The following NRCAM variants were observed in gnomAD, a reference collection of about 807,000 sequenced individuals.
NRCAM encodes NgCAM-related cell adhesion molecule.
A neutral mutation model predicts 156.5 loss-of-function variants in NRCAM; 83 were observed. That is an observed-to-expected ratio of 0.53 (90% CI 0.44 to 0.64). NRCAM has a LOEUF of 0.64. Among genes scored for constraint, NRCAM ranks in the 30% least tolerant of loss-of-function variants. NRCAM has a pLI of 0.00. For missense variants in NRCAM, 1,417 were observed against 1,597.3 expected, an observed-to-expected ratio of 0.89 and a Z score of 1.92; for synonymous variants, 538 against 563.9, an observed-to-expected ratio of 0.95 and a Z score of 0.65.
At chr7:108,385,906 AGAGG>A (rs3077978) in intron 2 of NRCAM, among the ~76,000 whole-genome samples, 47,941 of 142,640 alleles carry the variant, frequency 0.34, 8,304 homozygotes, top group East Asian at 0.52. Context: ...CTATGGAGAG[AGAGG>A]GAGGGAGGGA....
At chr7:108,349,788 T>C (rs774821375) in intron 2 of NRCAM, among the ~76,000 whole-genome samples, 14 of 152,118 alleles carry the variant, frequency 9.2e-5, no homozygotes, top group Non-Finnish European at 1.9e-4. Flanking sequence ...CTCTGACCCA[T>C]CTCCTTGTTT....
At chr7:108,255,447 C>T (rs554466888) in intron 3 of NRCAM, among the ~76,000 whole-genome samples, 8 of 152,202 alleles carry the variant, frequency 5.3e-5, no homozygotes, top group Non-Finnish European at 8.8e-5. Flanking sequence ...GGATTGCAGA[C>T]GGAGTCTCGC....
intron 2 of NRCAM, among the ~76,000 whole-genome samples, chr7:108,346,838 T>C (rs1331141716): frequency 6.6e-6 from 1 of 152,122 alleles, no homozygotes; most frequent in Non-Finnish European, 1.5e-5. Flanking sequence ...GTTTGGATTT[T>C]GAAGATTTAG....
intron 3 of NRCAM, among the ~76,000 whole-genome samples, chr7:108,276,837 T>A (rs2154073329): frequency 6.6e-6 from 1 of 152,306 alleles, no homozygotes; most frequent in South Asian, 2.1e-4. Flanking sequence ...GCGTTGATGG[T>A]CTTTACAATT....
intron 4 of NRCAM, 35 bp from the exon 5 acceptor site, chr7:108,237,804 A>G: frequency 6.5e-6 from 10 of 1,530,130 alleles, no homozygotes; most frequent in Non-Finnish European, 8.9e-6. Flanking sequence ...GTAAGTGGGC[A>G]AAGAGGATTA....
At chr7:108,336,980 C>T (rs1287851789) in intron 2 of NRCAM, among the ~76,000 whole-genome samples, 1 of 152,002 alleles carries the variant, frequency 6.6e-6, no homozygotes, top group Non-Finnish European at 1.5e-5. Context: ...AACTGGTTAA[C>T]ACAGCCTGGC....
chr7:108,442,288 C>G (rs981380789), intron 1 of NRCAM, among the ~76,000 whole-genome samples: 37 of 152,260 alleles, frequency 2.4e-4, no homozygotes, highest in African/African-American at 8.9e-4. Flanking sequence ...AATTGATACT[C>G]TGCCATTCTG....
intron 2 of NRCAM, among the ~76,000 whole-genome samples, chr7:108,347,179 A>G (rs1403442758): frequency 6.6e-6 from 1 of 151,744 alleles, no homozygotes; most frequent in Non-Finnish European, 1.5e-5. Context: ...CTGGGACTAC[A>G]GGCGCCTGCC....
At chr7:108,195,076 AC>A (rs11358195) in intron 15 of NRCAM, among the ~76,000 whole-genome samples, 107,430 of 151,790 alleles carry the variant, frequency 0.71, 39,288 homozygotes, top group East Asian at 0.88. Context: ...AGCTTATAGA[AC>A]CCCCCCACTA....
chr7:108,181,933 T>C lies in NRCAM; in HGVS notation c.2535A>G (p.Pro845=). 1 of 1,611,540 alleles carries C rather than the reference T, an allele frequency of 6.2e-7. No homozygotes were observed. Among genetic ancestry groups the C allele is most frequent in the Non-Finnish European group, 8.5e-7 (1 of 1,177,812 alleles). Residue 845 remains proline, a synonymous_variant, in exon 24 of 33, where the codon CCA becomes CCG. Coordinates refer to ENST00000379028, the MANE Select transcript of NRCAM (RefSeq NM_001037132.4). ...VVMGHSGEDL[P]MVAPGNVRVN... is the part of the protein sequence containing the mutation. The stretch of plus-strand genomic sequence containing the variant: ...CACGCACGTTCCCAGGAGCCACCAT[T>C]GGGACTAGGAAAAGGACAGGGAAGT...
chr7:108,380,382 C>T (rs2099695740), intron 2 of NRCAM, among the ~76,000 whole-genome samples: 1 of 151,928 alleles, frequency 6.6e-6, no homozygotes, highest in Admixed American at 6.6e-5. Flanking sequence ...CATTATTTGC[C>T]CTTTAGCTGC....
At chr7:108,359,536 C>A (rs541738392) in intron 2 of NRCAM, among the ~76,000 whole-genome samples, 2 of 152,114 alleles carry the variant, frequency 1.3e-5, no homozygotes, top group South Asian at 2.1e-4. Context: ...ATATGGAACA[C>A]GTGTGAGAAA....
At chr7:108,233,061 A>C (rs1445701507) in intron 6 of NRCAM, among the ~76,000 whole-genome samples, 1 of 152,206 alleles carries the variant, frequency 6.6e-6, no homozygotes, top group Non-Finnish European at 1.5e-5. Context: ...CTTATTAAAA[A>C]TAGTAACTCT....
rs1036527275 is a variant in NRCAM at position 108,450,331 on chromosome 7, C to G, written c.-332+5912G>C. On this transcript the variant is annotated intron_variant, in intron 1 of 32. Transcript: ENST00000379028. ...CCTCCATCAGACTGTTAAAAATTAC[C>G]TTTTTCTAATTTGAAATTCCAATCT... 9.9e-5 allele frequency among the ~76,000 whole-genome samples: 15 copies of G among 151,186 alleles called. No homozygotes were observed. In the South Asian group the frequency reaches 2.7e-3, roughly 28 times the overall value.
At chr7:108,335,538 T>A (rs888903534) in intron 2 of NRCAM, among the ~76,000 whole-genome samples, 16 of 147,852 alleles carry the variant, frequency 1.1e-4, no homozygotes, top group African/African-American at 3.7e-4. Flanking sequence ...GCTTGGGAGA[T>A]CTCAGATTCA....
Position 108,336,501 on chromosome 7 carries a change from G to A in NRCAM, c.-173-23770C>T, listed in dbSNP as rs527928392. Among the ~76,000 whole-genome samples the A allele has an allele frequency of 4.7e-4, 72 of 152,256 alleles. No homozygotes were observed. The South Asian group carries it at 7.7e-3, about 16-fold the overall frequency. On this transcript the variant is annotated intron_variant, in intron 2 of 32. Transcript: ENST00000379028. ...TTTTTAAATCATGGGTATTGATTAC[G>A]AATATGTTAAAAGTTAAAAGGTTCT... is the stretch of plus-strand genomic sequence containing the variant.
chr7:108,160,353 T>C lies in NRCAM; in HGVS notation c.3598+8A>G, dbSNP rs1224811138. 2.5e-6 allele frequency: 4 copies of C among 1,611,842 alleles called. No individual in the cohort carries two copies. The Admixed American group carries it at 5.0e-5, about 20-fold the overall frequency. Reference sequence around the variant, plus strand: ...CATTATAAAGCAATTTTAATCTTTCTTTCTTACCTGGATATTTACCACCCT... The same window carrying C: ...CATTATAAAGCAATTTTAATCTTTCCTTCTTACCTGGATATTTACCACCCT... On this transcript the variant is annotated splice_region_variant and intron_variant, in intron 31 of 32. Coordinates refer to ENST00000379028, the MANE Select transcript of NRCAM (RefSeq NM_001037132.4).
At chr7:108,404,302 T>G (rs976777807) in intron 1 of NRCAM, among the ~76,000 whole-genome samples, 1 of 152,184 alleles carries the variant, frequency 6.6e-6, no homozygotes, top group Non-Finnish European at 1.5e-5. Flanking sequence ...ACAACTGGTG[T>G]TGTAGACCCA....
intron 2 of NRCAM, among the ~76,000 whole-genome samples, chr7:108,342,509 C>T (rs1436052145): frequency 6.6e-6 from 1 of 152,232 alleles, no homozygotes; most frequent in East Asian, 1.9e-4. Context: ...AAAGCCAATA[C>T]CCATTTAGTA....
Sources: allele counts gnomAD v4.1 joint callset (sites outside exome capture counted in the v4.1 genomes callset), GRCh38; gene constraint gnomAD v4.1.1; transcripts MANE v1.5; gene names NCBI Gene and HGNC (gene_info 2026-07-23, HGNC 2026-07-21).